Variants in RAB27B observed in about 807,000 individuals in gnomAD.
RAB27B encodes RAB27B, member RAS oncogene family, also known as ras-related protein Rab-27B.
A neutral mutation model predicts 24.6 loss-of-function variants in RAB27B; 15 were observed. That is an observed-to-expected ratio of 0.61 (90% CI 0.41 to 0.94). The LOEUF is 0.94. Ranked by LOEUF, RAB27B falls within the 40% of genes least tolerant of loss-of-function variation. The pLI, the probability that RAB27B is intolerant of heterozygous loss-of-function variation, is 0.00. For missense variants in RAB27B, 261 were observed against 266.8 expected, an observed-to-expected ratio of 0.98 and a Z score of 0.15; for synonymous variants, 105 against 92.5, an observed-to-expected ratio of 1.14 and a Z score of -0.78.
intron 2 of RAB27B, among the ~76,000 whole-genome samples, chr18:54,763,126 G>A (rs1020337226): frequency 6.6e-6 from 1 of 151,976 alleles, no homozygotes; most frequent in Non-Finnish European, 1.5e-5. Flanking sequence ...AAAACTTTCA[G>A]GAAACTTATA....
At chr18:54,791,935 G>A (rs1173823568) in intron 2 of RAB27B, among the ~76,000 whole-genome samples, 2 of 152,150 alleles carry the variant, frequency 1.3e-5, no homozygotes, top group Admixed American at 6.5e-5. Context: ...CCAACTCCAG[G>A]GGAAAACCAT....
chr18:54,857,588 A>T (rs1191047456), intron 1 of RAB27B, among the ~76,000 whole-genome samples: 7 of 152,256 alleles, frequency 4.6e-5, no homozygotes, highest in Non-Finnish European at 8.8e-5. Flanking sequence ...CAGGTTAAAT[A>T]GAAGCCTGGC....
chr18:54,760,534 G>A (rs1051448146), intron 2 of RAB27B, among the ~76,000 whole-genome samples: 2 of 152,166 alleles, frequency 1.3e-5, no homozygotes, highest in Non-Finnish European at 2.9e-5. Context: ...AGTCCTTAGG[G>A]GTCAAGGATG....
chr18:54,860,605 G>A (rs958574811), intron 1 of RAB27B, among the ~76,000 whole-genome samples: 2 of 152,112 alleles, frequency 1.3e-5, no homozygotes, highest in African/African-American at 4.8e-5. Flanking sequence ...TACAGCCCTA[G>A]ATTTTCTGAG....
chr18:54,804,033 T>C (rs946341373), intron 2 of RAB27B, among the ~76,000 whole-genome samples: 4 of 152,186 alleles, frequency 2.6e-5, no homozygotes, highest in African/African-American at 9.7e-5. Context: ...TGGTGTCTTA[T>C]GGGGCTCTTC....
At chr18:54,773,731 A>G (rs1908627717) in intron 2 of RAB27B, among the ~76,000 whole-genome samples, 1 of 150,332 alleles carries the variant, frequency 6.7e-6, no homozygotes, top group Non-Finnish European at 1.5e-5. Flanking sequence ...GCTGGAGTGC[A>G]GTGGCATCAT....
intron 1 of RAB27B, among the ~76,000 whole-genome samples, chr18:54,836,796 A>G (rs2006813): frequency 0.95 from 143,766 of 151,834 alleles, 68,698 homozygotes; most frequent in East Asian, 1. Context: ...CACTTGATCC[A>G]AAAGATGAAA....
At chr18:54,827,951 A>AT (rs2145177887), upstream of RAB27B, among the ~76,000 whole-genome samples, 3 of 152,300 alleles carry the variant, frequency 2.0e-5, 1 homozygote, top group African/African-American at 7.2e-5. Flanking sequence ...GTGGTAACCT[A>AT]TTGATCTCTG....
intron 2 of RAB27B, among the ~76,000 whole-genome samples, chr18:54,766,895 T>G (rs1256594129): frequency 6.6e-6 from 1 of 152,208 alleles, no homozygotes; most frequent in Non-Finnish European, 1.5e-5. Context: ...TGCATTGTAA[T>G]GTGACTTTTC....
chr18:54,850,133 A>C (rs915056270), intron 1 of RAB27B, among the ~76,000 whole-genome samples: 1 of 151,834 alleles, frequency 6.6e-6, no homozygotes, highest in South Asian at 2.1e-4. Flanking sequence ...AAAAATAAAC[A>C]AACTGGGCTC....
intron 1 of RAB27B, among the ~76,000 whole-genome samples, chr18:54,839,348 A>G (rs1345648824): frequency 2.0e-5 from 3 of 152,196 alleles, no homozygotes; most frequent in African/African-American, 7.2e-5. Context: ...CTTTGGAATA[A>G]GTTTTTACAT....
At chr18:54,875,636 G>A (rs565836510) in intron 1 of RAB27B, among the ~76,000 whole-genome samples, 78 of 151,948 alleles carry the variant, frequency 5.1e-4, no homozygotes, top group African/African-American at 1.7e-3. Context: ...GAAAGCTTTA[G>A]AGCAAAAGTA....
At chr18:54,872,554 G>A (rs1912515816) in intron 1 of RAB27B, among the ~76,000 whole-genome samples, 1 of 151,730 alleles carries the variant, frequency 6.6e-6, no homozygotes, top group Non-Finnish European at 1.5e-5. Flanking sequence ...TAACTCGGGA[G>A]GTGGAGGTTG....
chr18:54,798,841 T>A (rs1465459737), intron 2 of RAB27B, among the ~76,000 whole-genome samples: 1 of 152,238 alleles, frequency 6.6e-6, no homozygotes, highest in Non-Finnish European at 1.5e-5. Flanking sequence ...TATAGCCACA[T>A]CTTATAAATT....
intron 2 of RAB27B, among the ~76,000 whole-genome samples, chr18:54,799,975 G>A (rs1481784722): frequency 2.0e-5 from 3 of 152,030 alleles, no homozygotes; most frequent in South Asian, 4.2e-4. Flanking sequence ...GAGAATAACC[G>A]TTATCCCACC....
chr18:54,854,700 A>T (rs1197032219), intron 1 of RAB27B, among the ~76,000 whole-genome samples: 1 of 152,240 alleles, frequency 6.6e-6, no homozygotes, highest in South Asian at 2.1e-4. Context: ...CGATTAATTC[A>T]TCAGCTGCTG....
In RAB27B at chr18:54,894,025, A is replaced by T. The variant is rs978535862; in HGVS notation, c.*4612A>T. 6.6e-6 allele frequency: 1 copy of T among 151,932 alleles called. No individual in the cohort carries two copies. Among genetic ancestry groups the T allele is most frequent in the Admixed American group, 6.6e-5 (1 of 15,228 alleles). 9.4% of individuals were successfully genotyped at this position (151,932 alleles called of 1,614,324 possible). On this transcript the variant is annotated 3_prime_UTR_variant, in exon 6 of 6. Transcript: ENST00000262094. ...GCATAAAAATGTGATACACTTAGAG[A>T]CATTTTGTTTATTGCATATAAATCT...
At chr18:54,733,333 C>T (rs1422575552) in intron 2 of RAB27B, among the ~76,000 whole-genome samples, 1 of 152,174 alleles carries the variant, frequency 6.6e-6, no homozygotes, top group Non-Finnish European at 1.5e-5. Context: ...CAGGCATGAG[C>T]CACCATACCC....
intron 3 of RAB27B, 78 bp from the exon 4 acceptor site, chr18:54,884,255 A>G: frequency 1.1e-6 from 1 of 878,660 alleles, no homozygotes; most frequent in Non-Finnish European, 1.9e-6. Flanking sequence ...TCATACCTGA[A>G]AGGGAAACTG....
Sources: allele counts gnomAD v4.1 joint callset (sites outside exome capture counted in the v4.1 genomes callset), GRCh38; gene constraint gnomAD v4.1.1; transcripts MANE v1.5; gene names NCBI Gene and HGNC (gene_info 2026-07-23, HGNC 2026-07-21).